TNFRSF1B: variants seen among roughly 807,000 people sequenced by gnomAD.
The protein encoded by TNFRSF1B is tumor necrosis factor receptor superfamily member 1B.
Under a neutral mutation model 44.6 loss-of-function variants are expected in TNFRSF1B, and 19 were observed. That is an observed-to-expected ratio of 0.43 (90% CI 0.30 to 0.62). The LOEUF is 0.62. Among genes scored for constraint, TNFRSF1B ranks in the 20% least tolerant of loss-of-function variants. TNFRSF1B has a pLI of 0.16. For missense variants in TNFRSF1B, 541 were observed against 619.9 expected (o/e 0.87, Z 1.35); for synonymous variants, 252 against 261.1 (o/e 0.97, Z 0.34).
intron 1 of TNFRSF1B, among the ~76,000 whole-genome samples, chr1:12,183,710 AT>A (rs111736651): frequency 0.2 from 18,963 of 93,552 alleles, 1,894 homozygotes; most frequent in East Asian, 0.28. Context: ...CTATCTATCT[AT>A]TCTATCTACC....
chr1:12,183,735 A>AT (rs1638893093), intron 1 of TNFRSF1B, among the ~76,000 whole-genome samples: 12 of 125,216 alleles, frequency 9.6e-5, no homozygotes, highest in Non-Finnish European at 1.5e-4. Context: ...CTATCTATCT[A>AT]TCTATCTATC....
rs537232312 is a variant in TNFRSF1B at position 12,177,178 on chromosome 1, AT to A, written c.78+10017del. ...CCACCACGCCTGGCTAATTTTTTGT[AT>A]TTTTTTTAGTAGAGATGGTGTTTCG... On this transcript the variant is annotated intron_variant, in intron 1 of 9. Transcript: ENST00000376259. This position sits in a 1 kb window ranked among gnomAD's most constrained non-coding sequence, Gnocchi z 4.3. 1.3e-5 allele frequency among the ~76,000 whole-genome samples: 2 copies of A among 151,350 alleles called. No individual in the cohort carries two copies. The highest frequency in any genetic ancestry group is 2.4e-5 in the African/African-American group (1 of 41,150).
chr1:12,188,985 C>T (rs1639050580), intron 2 of TNFRSF1B, 90 bp downstream of exon 2: 1 of 1,124,588 alleles, frequency 8.9e-7, no homozygotes, highest in Admixed American at 2.1e-5. Flanking sequence ...GCCCTTGATT[C>T]TTACTGAACT....
At chr1:12,205,965 A>G (rs1416402685) in intron 9 of TNFRSF1B, among the ~76,000 whole-genome samples, 1 of 152,016 alleles carries the variant, frequency 6.6e-6, no homozygotes, top group African/African-American at 2.4e-5. Flanking sequence ...GGCAGGAATG[A>G]TGGATGGGTG....
intron 9 of TNFRSF1B, 52 bp downstream of exon 9, chr1:12,202,223 C>T (rs1570174900): frequency 6.5e-7 from 1 of 1,529,608 alleles, no homozygotes; most frequent in South Asian, 1.2e-5. Flanking sequence ...TGGTCTTTCT[C>T]ACCTGGTTTC....
intron 1 of TNFRSF1B, among the ~76,000 whole-genome samples, chr1:12,182,033 G>A (rs1180318365): frequency 6.6e-6 from 1 of 152,240 alleles, no homozygotes; most frequent in Non-Finnish European, 1.5e-5. Context: ...CACAGCAGAG[G>A]AGACACTTGA....
rs1347612157 is a variant in TNFRSF1B at position 12,171,116 on chromosome 1, C to T, written c.78+3947C>T. Among the ~76,000 whole-genome samples the T allele has an allele frequency of 6.6e-6, 1 of 152,146 alleles. No individual in the cohort carries two copies. The highest frequency in any genetic ancestry group is 1.5e-5 in the Non-Finnish European group (1 of 68,042). On this transcript the variant is annotated intron_variant, in intron 1 of 9. Coordinates refer to ENST00000376259, the MANE Select transcript of TNFRSF1B (RefSeq NM_001066.3). This position sits in a 1 kb window ranked among gnomAD's most constrained non-coding sequence, Gnocchi z 4.5. Reference sequence around the variant, plus strand: ...CTCCTGGGTTCAAGCAATTTTCCCACCTCAGCCTCCCAAGTAGCTGGGATT... The same window carrying T: ...CTCCTGGGTTCAAGCAATTTTCCCATCTCAGCCTCCCAAGTAGCTGGGATT...
intron 6 of TNFRSF1B, 34 bp from the exon 7 acceptor site, chr1:12,193,921 T>C: frequency 6.3e-7 from 1 of 1,593,648 alleles, no homozygotes; most frequent in Non-Finnish European, 8.6e-7. Context: ...GAGTTTGTTT[T>C]CTGTAGCTGT....
In TNFRSF1B at chr1:12,192,451, G is replaced by A. The variant is rs1363305605; in HGVS notation, c.478G>A (p.Val160Met). ...TGAAGGAACTGAAACATCAGACGTG[G>A]TGTGCAAGCCCTGTGCCCCGGGGAC... The part of the protein sequence containing the change: ...ARPGTETSDV[V>M]CKPCAPGTFS... The change falls in exon 5 of 10, where the codon GTG (valine) becomes ATG (methionine). Residue 160 changes from valine to methionine, a missense_variant. By Grantham distance (21) the Val-to-Met change is conservative (BLOSUM62 1). Coordinates refer to ENST00000376259, the MANE Select transcript of TNFRSF1B (RefSeq NM_001066.3). 6 of 1,614,178 alleles carry A rather than the reference G, an allele frequency of 3.7e-6. No homozygotes were observed. Among genetic ancestry groups the A allele is most frequent in the South Asian group, 1.1e-5 (1 of 91,072 alleles).
At chr1:12,188,010 C>T (rs941608622) in intron 1 of TNFRSF1B, among the ~76,000 whole-genome samples, 2 of 152,178 alleles carry the variant, frequency 1.3e-5, no homozygotes, top group Middle Eastern at 3.2e-3. Context: ...CCAATTCGAG[C>T]AGCAGAAACG....
rs1431642091 is a variant in TNFRSF1B at position 12,183,764 on chromosome 1, G to GCTAGCTAT, written c.79-5028_79-5021dup. Among the ~76,000 whole-genome samples the GCTAGCTAT allele has an allele frequency of 4.9e-4, 48 of 98,338 alleles. 2 individuals carry two copies. Among genetic ancestry groups the GCTAGCTAT allele is most frequent in the Non-Finnish European group, 2.4e-4 (10 of 42,134 alleles). 64.5% of individuals were successfully genotyped at this position (98,338 alleles called of 152,430 possible). A position where few individuals can be genotyped will look rare whatever the true frequency, so the allele number is the denominator to read the frequency against. ...ATCTATCTATCTAGCTAGCTAGCTAGCTAGCTATCTATTCTATCTACCTAC... is the reference window on the plus strand; with the variant it reads ...ATCTATCTATCTAGCTAGCTAGCTAGCTAGCTATCTAGCTATCTATTCTATCTACCTAC... On this transcript the variant is annotated intron_variant, in intron 1 of 9. Transcript: ENST00000376259.
chr1:12,198,017 C>T (rs1639303810), intron 8 of TNFRSF1B, among the ~76,000 whole-genome samples: 1 of 151,762 alleles, frequency 6.6e-6, no homozygotes, highest in South Asian at 2.1e-4. Context: ...CCCAGCTACT[C>T]CGGAGGCTGA....
rs906435785 is a variant in TNFRSF1B at position 12,180,494 on chromosome 1, C to A, written c.79-8302C>A. Among the ~76,000 whole-genome samples the A allele has an allele frequency of 6.6e-6, 1 of 152,192 alleles. No individual in the cohort carries two copies. Among genetic ancestry groups the A allele is most frequent in the African/African-American group, 2.4e-5 (1 of 41,444 alleles). ...CTTGGCCTGGGAACAGGACAAGCAG[C>A]AAGTCAGTTGACCCGGGGTTGCTCA... On this transcript the variant is annotated intron_variant, in intron 1 of 9. Coordinates refer to ENST00000376259, the MANE Select transcript of TNFRSF1B (RefSeq NM_001066.3). The surrounding 1 kb of genome is among the most constrained non-coding windows in gnomAD (Gnocchi z 4.3).
intron 3 of TNFRSF1B, among the ~76,000 whole-genome samples, chr1:12,191,506 G>GGAGCGGGACTGCGGGGGAC (rs1263809224): frequency 6.6e-6 from 1 of 151,674 alleles, no homozygotes; most frequent in Non-Finnish European, 1.5e-5. Flanking sequence ...ACTTCGGGGA[G>GGAGCGGGACTGCGGGGGAC]GAGCGGGACT....
chr1:12,187,059 T>A lies in TNFRSF1B; in HGVS notation c.79-1737T>A, dbSNP rs571152389. Among the ~76,000 whole-genome samples the A allele has an allele frequency of 6.6e-6, 1 of 151,948 alleles. No individual in the cohort carries two copies. The highest frequency in any genetic ancestry group is 1.5e-5 in the Non-Finnish European group (1 of 67,976). On this transcript the variant is annotated intron_variant, in intron 1 of 9. Coordinates refer to ENST00000376259, the MANE Select transcript of TNFRSF1B (RefSeq NM_001066.3). This position sits in a 1 kb window ranked among gnomAD's most constrained non-coding sequence, Gnocchi z 5.5. ...GCTGCAGCTCTGCACTCCTGGAGGGTCACTCAGAGACCCGAGAGAGGAGGG... is the reference window on the plus strand; with the variant it reads ...GCTGCAGCTCTGCACTCCTGGAGGGACACTCAGAGACCCGAGAGAGGAGGG...
chr1:12,190,846 T>C, intron 2 of TNFRSF1B, 111 bp from the exon 3 acceptor site: 1 of 1,334,180 alleles, frequency 7.5e-7, no homozygotes, highest in East Asian at 2.4e-5. Context: ...CTCCACAGAA[T>C]AGCCTTCCCA....
intron 1 of TNFRSF1B, among the ~76,000 whole-genome samples, chr1:12,182,402 G>A (rs1295153438): frequency 6.6e-6 from 1 of 152,154 alleles, no homozygotes; most frequent in African/African-American, 2.4e-5. Context: ...CCCGCACCTT[G>A]TGTCACCCTT....
chr1:12,191,777 A>T lies in TNFRSF1B; in HGVS notation c.311A>T (p.Gln104Leu). 1 of 1,613,518 alleles carries T rather than the reference A, an allele frequency of 6.2e-7. No homozygotes were observed. The highest frequency in any genetic ancestry group is 8.5e-7 in the Non-Finnish European group (1 of 1,179,786). Residue 104 changes from glutamine to leucine, a missense_variant, in exon 4 of 10, where the codon CAG becomes CTG. Coordinates refer to ENST00000376259, the MANE Select transcript of TNFRSF1B (RefSeq NM_001066.3). ...LSCGSRCSSD[Q>L]VETQACTREQ... ...TGCCGCCCTCTCGCTGCTCTAGACC[A>T]GGTGGAAACTCAAGCCTGCACTCGG...
rs1638409287 is a variant in TNFRSF1B, at chr1:12,167,185, G to C, written c.78+16G>C. ...GCCCGCCCAGGTGGGTGACTCGCGC[G>C]GCCCACGGGGGACAGCCGCCCCGCA... On this transcript the variant is annotated intron_variant, in intron 1 of 9. Coordinates refer to ENST00000376259, the MANE Select transcript of TNFRSF1B (RefSeq NM_001066.3). 2 of 1,253,332 alleles carry C rather than the reference G, an allele frequency of 1.6e-6. No homozygotes were observed. Among genetic ancestry groups the C allele is most frequent in the African/African-American group, 3.1e-5 (2 of 64,090 alleles). 77.6% of individuals were successfully genotyped at this position (1,253,332 alleles called of 1,614,324 possible). A position where few individuals can be genotyped will look rare whatever the true frequency, so the allele number is the denominator to read the frequency against.
Sources: allele counts gnomAD v4.1 joint callset (sites outside exome capture counted in the v4.1 genomes callset), GRCh38; gene constraint gnomAD v4.1.1; non-coding constraint Gnocchi (gnomAD v3.1); transcripts MANE v1.5; gene names NCBI Gene and HGNC (gene_info 2026-07-23, HGNC 2026-07-21).